OSBPL1A: variants seen among roughly 807,000 people sequenced by gnomAD.
OSBPL1A encodes oxysterol binding protein like 1A.
A neutral mutation model predicts 137.1 loss-of-function variants in OSBPL1A; 80 were observed. That is an observed-to-expected ratio of 0.58 (90% CI 0.49 to 0.70). The LOEUF is 0.70. OSBPL1A is among the 30% of genes least tolerant of loss of function. The probability of loss-of-function intolerance (pLI) is 0.00; values close to 1 mark genes in which losing one functional copy is unlikely to be tolerated. For synonymous variants in OSBPL1A, 365 were observed against 389.7 expected, an observed-to-expected ratio of 0.94 and a Z score of 0.75; for missense variants, 970 against 1,129.4, an observed-to-expected ratio of 0.86 and a Z score of 2.02.
intron 15 of OSBPL1A, among the ~76,000 whole-genome samples, chr18:24,263,423 A>G (rs2089488859): frequency 6.6e-6 from 1 of 152,228 alleles, no homozygotes; most frequent in African/African-American, 2.4e-5. Context: ...TTTACCAAAA[A>G]CAAAAAACAA....
At chr18:24,377,817 T>C (rs1283892835) in intron 1 of OSBPL1A, among the ~76,000 whole-genome samples, 1 of 152,234 alleles carries the variant, frequency 6.6e-6, no homozygotes, top group Non-Finnish European at 1.5e-5. Context: ...AGCTGTTTGT[T>C]GTAAGATTAT....
chr18:24,293,475 C>T (rs1407100652), intron 14 of OSBPL1A, among the ~76,000 whole-genome samples: 1 of 152,208 alleles, frequency 6.6e-6, no homozygotes, highest in East Asian at 1.9e-4. Context: ...GGCCAAGAAG[C>T]CCCAGGGCTG....
At chr18:24,318,884 TC>T in intron 7 of OSBPL1A, 75 bp from the exon 8 acceptor site, 1 of 1,191,624 alleles carries the variant, frequency 8.4e-7, no homozygotes, top group Non-Finnish European at 1.2e-6. Flanking sequence ...AACTGCAGCA[TC>T]TAATAGTCCT....
chr18:24,340,842 C>G (rs2091262775), intron 5 of OSBPL1A, among the ~76,000 whole-genome samples: 1 of 152,196 alleles, frequency 6.6e-6, no homozygotes, highest in Non-Finnish European at 1.5e-5. Context: ...AGCAACACCT[C>G]TTACAGGTTG....
At position 24,328,588 on chromosome 18, in the gene OSBPL1A, G is replaced by T. The variant is rs116497048; in HGVS notation, c.625+4354C>A. ...AAAGCAAGACTAGGGTTTACCAGAC[G>T]GACAAGAAAGACAAGAGCACTTCTG... On this transcript the variant is annotated intron_variant, in intron 7 of 27. Transcript: ENST00000319481. Among the ~76,000 whole-genome samples, 1,331 of 152,198 alleles carry T rather than the reference G, an allele frequency of 8.7e-3. 21 individuals carry two copies. Among genetic ancestry groups the T allele is most frequent in the African/African-American group, 0.031 (1,267 of 41,502 alleles).
chr18:24,348,271 C>G (rs2091381071), intron 4 of OSBPL1A, among the ~76,000 whole-genome samples: 1 of 152,130 alleles, frequency 6.6e-6, no homozygotes, highest in South Asian at 2.1e-4. Flanking sequence ...AGATTAAAGA[C>G]TTAAACAATT....
At chr18:24,287,740 C>T (rs895535074) in intron 14 of OSBPL1A, among the ~76,000 whole-genome samples, 1 of 143,664 alleles carries the variant, frequency 7.0e-6, no homozygotes, top group Non-Finnish European at 1.5e-5. Flanking sequence ...CCACTGCACT[C>T]CAGCCTGGGC....
At chr18:24,318,154 A>G (rs1200850713) in intron 9 of OSBPL1A, among the ~76,000 whole-genome samples, 10 of 152,162 alleles carry the variant, frequency 6.6e-5, no homozygotes, top group African/African-American at 2.2e-4. Flanking sequence ...CCAGTAGTAT[A>G]AAAGTGGCTT....
chr18:24,393,778 T>C (rs1258288408), intron 1 of OSBPL1A, among the ~76,000 whole-genome samples: 1 of 152,204 alleles, frequency 6.6e-6, no homozygotes, highest in Non-Finnish European at 1.5e-5. Context: ...TAAAATTCAA[T>C]TCAGCTGCAA....
At chr18:24,313,730 A>G (rs1322610819) in intron 12 of OSBPL1A, among the ~76,000 whole-genome samples, 1 of 152,216 alleles carries the variant, frequency 6.6e-6, no homozygotes, top group Admixed American at 6.5e-5. Context: ...TGAAAAACAA[A>G]TTATGAACAG....
chr18:24,271,142 T>G lies in OSBPL1A; in HGVS notation c.1281+9700A>C, dbSNP rs772027803. ...ACAAATAGAATTTCCCTTTCTCTCC[T>G]TAATCCGCTCATGCACTTCTCGTAT... On this transcript the variant is annotated intron_variant, in intron 15 of 27. Coordinates refer to ENST00000319481, the MANE Select transcript of OSBPL1A (RefSeq NM_080597.4). The surrounding 1 kb of genome is among the most constrained non-coding windows in gnomAD (Gnocchi z 4.0). 3.3e-5 allele frequency among the ~76,000 whole-genome samples: 5 copies of G among 152,238 alleles called. No individual in the cohort carries two copies. Among genetic ancestry groups the G allele is most frequent in the Non-Finnish European group, 5.9e-5 (4 of 68,032 alleles).
chr18:24,301,091 A>G (rs1198446279), intron 14 of OSBPL1A, among the ~76,000 whole-genome samples: 2 of 152,234 alleles, frequency 1.3e-5, no homozygotes, highest in Non-Finnish European at 2.9e-5. Flanking sequence ...CAACTCTCCA[A>G]TTCCATTCAT....
intron 18 of OSBPL1A, among the ~76,000 whole-genome samples, chr18:24,190,718 T>C (rs2086869328): frequency 6.6e-6 from 1 of 152,256 alleles, no homozygotes; most frequent in Non-Finnish European, 1.5e-5. Flanking sequence ...ATGCCAGATT[T>C]GGCAAAGCTC....
chr18:24,315,276 C>A (rs2090697589), intron 11 of OSBPL1A, among the ~76,000 whole-genome samples: 1 of 151,928 alleles, frequency 6.6e-6, no homozygotes, highest in African/African-American at 2.4e-5. Flanking sequence ...ACCTGGGAAC[C>A]CATAAGCACC....
chr18:24,307,092 C>CAA (rs373469036), intron 13 of OSBPL1A, among the ~76,000 whole-genome samples: 2 of 131,888 alleles, frequency 1.5e-5, no homozygotes, highest in East Asian at 2.6e-4. Context: ...CTAATCTCTA[C>CAA]AAAAAAAAAA....
chr18:24,319,326 G>GT (rs2090797739), intron 7 of OSBPL1A, among the ~76,000 whole-genome samples: 1 of 152,062 alleles, frequency 6.6e-6, no homozygotes, highest in Non-Finnish European at 1.5e-5. Flanking sequence ...CAGGAGCCTT[G>GT]TAACTACATA....
At chr18:24,169,101 C>T (rs943018773) in intron 24 of OSBPL1A, among the ~76,000 whole-genome samples, 4 of 152,144 alleles carry the variant, frequency 2.6e-5, no homozygotes, top group African/African-American at 4.8e-5. Flanking sequence ...GCACAGTTCC[C>T]GTGGGCAGGA....
intron 15 of OSBPL1A, among the ~76,000 whole-genome samples, chr18:24,255,197 A>G (rs986480417): frequency 1.3e-5 from 2 of 152,328 alleles, no homozygotes; most frequent in Admixed American, 6.5e-5. Flanking sequence ...TATCTAGATA[A>G]AAGCCATAAC....
chr18:24,290,724 C>T (rs982853375), intron 14 of OSBPL1A, among the ~76,000 whole-genome samples: 9 of 152,062 alleles, frequency 5.9e-5, no homozygotes, highest in African/African-American at 9.7e-5. Context: ...CAAAACACAA[C>T]AACAACAACA....
Sources: gnomAD v4.1 joint callset for allele counts (sites outside exome capture counted in the v4.1 genomes callset) on GRCh38, gnomAD v4.1.1 for gene constraint, Gnocchi (gnomAD v3.1) non-coding constraint, MANE v1.5 for transcripts, NCBI Gene and HGNC (gene_info 2026-07-23, HGNC 2026-07-21) for gene names.